ANKRD36C: variants seen among roughly 807,000 people sequenced by gnomAD.
ANKRD36C encodes ankyrin repeat domain-containing protein 36C.
ANKRD36C carries 61 observed loss-of-function variants against 276.4 expected under a neutral mutation model. The observed-to-expected ratio is 0.22, with a 90% confidence interval of 0.18 to 0.27. ANKRD36C has a LOEUF of 0.27. Among genes scored for constraint, ANKRD36C ranks in the 10% least tolerant of loss-of-function variants. ANKRD36C has a pLI of 1.00. For missense variants in ANKRD36C, 1,447 were observed against 2,032.3 expected, an observed-to-expected ratio of 0.71 and a Z score of 5.54; for synonymous variants, 483 against 680.1, an observed-to-expected ratio of 0.71 and a Z score of 4.51.
chr2:95,948,413 A>T, intron 17 of ANKRD36C, 117 bp downstream of exon 17: 2 of 1,073,196 alleles, frequency 1.9e-6, no homozygotes, highest in Non-Finnish European at 2.5e-6. Context: ...TCTCTAATAA[A>T]AGTTTTAATA....
chr2:95,953,942 A>G (rs1678264092), exon 14 of ANKRD36C: 2 of 1,535,422 alleles, frequency 1.3e-6, no homozygotes, highest in Middle Eastern at 1.7e-4. Context: ...ACTCTACCTC[A>G]GATTCCAAAG....
In ANKRD36C at chr2:95,897,133, C is replaced by T. The variant is rs755845900; in HGVS notation, c.2755+2012G>A. 78 of 1,088,470 alleles carry T rather than the reference C, an allele frequency of 7.2e-5. 1 individual carries two copies. In the Middle Eastern group the frequency reaches 2.1e-3, roughly 30 times the overall value. 67.4% of individuals were successfully genotyped at this position (1,088,470 alleles called of 1,614,324 possible). Reference sequence around the variant, plus strand: ...CAGCAGCATCATCATCACCCACAAACTTATTTGAAATGAAGAATCTCAGGA... The same window carrying T: ...CAGCAGCATCATCATCACCCACAAATTTATTTGAAATGAAGAATCTCAGGA... On this transcript the variant is annotated intron_variant, in intron 44 of 66. Coordinates refer to ENST00000456556, the Ensembl canonical transcript of ANKRD36C.
chr2:95,975,167 T>A (rs1573814659), intron 6 of ANKRD36C, among the ~76,000 whole-genome samples: 1 of 152,208 alleles, frequency 6.6e-6, no homozygotes, highest in East Asian at 1.9e-4. Flanking sequence ...TTCTCATGGG[T>A]AGGAAGAATC....
At chr2:95,922,057 T>C (rs1677287075) in intron 32 of ANKRD36C, among the ~76,000 whole-genome samples, 1 of 151,534 alleles carries the variant, frequency 6.6e-6, no homozygotes, top group Non-Finnish European at 1.5e-5. Context: ...GAAAAATAAA[T>C]CAGTGTGAAT....
Position 95,982,237 on chromosome 2 carries a change from T to C in ANKRD36C, c.593+19A>G. 1 of 1,498,262 alleles carries C rather than the reference T, an allele frequency of 6.7e-7. No individual in the cohort carries two copies. Among genetic ancestry groups the C allele is most frequent in the Non-Finnish European group, 9.0e-7 (1 of 1,114,944 alleles). The allele number at this position is 1,498,262 out of a possible 1,614,324, so 92.8% of individuals were successfully genotyped here. A position where few individuals can be genotyped will look rare whatever the true frequency, so the allele number is the denominator to read the frequency against. ...ACACTCAGGTTTAAAAACAACACAATAAGAACTAAGGTCTGTACCTGCCAA... is the reference window on the plus strand; with the variant it reads ...ACACTCAGGTTTAAAAACAACACAACAAGAACTAAGGTCTGTACCTGCCAA... On this transcript the variant is annotated intron_variant, in intron 4 of 66. Coordinates refer to ENST00000456556, the Ensembl canonical transcript of ANKRD36C.
chr2:95,981,646 C>T (rs1678923898), intron 4 of ANKRD36C, among the ~76,000 whole-genome samples: 1 of 150,950 alleles, frequency 6.6e-6, no homozygotes. Context: ...TACACACAAC[C>T]ACCCTTGAAG....
At chr2:95,985,827 T>C in intron 3 of ANKRD36C, among the ~76,000 whole-genome samples, 1 of 152,184 alleles carries the variant, frequency 6.6e-6, no homozygotes, top group East Asian at 1.9e-4. Flanking sequence ...AAGAGACTAG[T>C]AAGCTCAAAA....
intron 42 of ANKRD36C, among the ~76,000 whole-genome samples, chr2:95,902,018 G>A (rs1178982707): frequency 6.9e-6 from 1 of 145,894 alleles, no homozygotes; most frequent in East Asian, 2.0e-4. Flanking sequence ...ACCATTTTAG[G>A]AGTTAGTTAG....
chr2:95,923,948 A>G (rs1677342147), intron 30 of ANKRD36C, among the ~76,000 whole-genome samples: 2 of 151,712 alleles, frequency 1.3e-5, no homozygotes, highest in Admixed American at 6.6e-5. Context: ...GTTAGTATCA[A>G]TGTGAATATG....
At chr2:95,972,297 A>G (rs191965828) in intron 6 of ANKRD36C, among the ~76,000 whole-genome samples, 5 of 152,170 alleles carry the variant, frequency 3.3e-5, no homozygotes, top group Non-Finnish European at 4.4e-5. Context: ...TATATGTGTG[A>G]GACAGAATGC....
In ANKRD36C at chr2:95,881,448, A is replaced by G. The variant is rs376393446; in HGVS notation, c.3368-825T>C. On this transcript the variant is annotated intron_variant, in intron 56 of 66. Coordinates refer to ENST00000456556, the Ensembl canonical transcript of ANKRD36C. ...TTAGGATTCAATTAATGAATTCAACATTATTTTTGTCTGTAAAATTAGTCT... is the reference window on the plus strand; with the variant it reads ...TTAGGATTCAATTAATGAATTCAACGTTATTTTTGTCTGTAAAATTAGTCT... Among the ~76,000 whole-genome samples the G allele has an allele frequency of 7.4e-3, 1,120 of 152,146 alleles. 10 individuals carry two copies. The highest frequency in any genetic ancestry group is 0.016 in the South Asian group (79 of 4,812).
intron 6 of ANKRD36C, among the ~76,000 whole-genome samples, chr2:95,970,723 A>G (rs1025473589): frequency 6.6e-6 from 1 of 152,234 alleles, no homozygotes; most frequent in African/African-American, 2.4e-5. Flanking sequence ...AAGGTGAATA[A>G]GAAACATATT....
intron 59 of ANKRD36C, chr2:95,875,963 C>G (rs1480171520): frequency 2.3e-6 from 1 of 443,228 alleles, no homozygotes; most frequent in Non-Finnish European, 4.5e-6. Flanking sequence ...TCTCCCTGAA[C>G]ATAGAAACTG....
chr2:95,920,804 A>G (rs1677242845), intron 34 of ANKRD36C, among the ~76,000 whole-genome samples: 1 of 149,956 alleles, frequency 6.7e-6, no homozygotes, highest in Non-Finnish European at 1.5e-5. Flanking sequence ...GTTAGTCTCT[A>G]AAGAAGTTTC....
rs1676199259 is a variant in ANKRD36C at position 95,886,200 on chromosome 2, ATGAG to A, written c.3090+12_3090+15del. On this transcript the variant is annotated intron_variant, in intron 51 of 66. Coordinates refer to ENST00000456556, the Ensembl canonical transcript of ANKRD36C. The stretch of plus-strand genomic sequence containing the variant: ...ATACAGTTAATAGTTCAAAATATAT[ATGAG>A]TGTTTAATTACCTTCCAGGCCAGTT... The A allele has an allele frequency of 7.4e-7, 1 of 1,353,058 alleles. No individual in the cohort carries two copies. The highest frequency in any genetic ancestry group is 1.0e-6 in the Non-Finnish European group (1 of 981,076). The allele number at this position is 1,353,058 out of a possible 1,614,324, so 83.8% of individuals were successfully genotyped here.
intron 42 of ANKRD36C, among the ~76,000 whole-genome samples, chr2:95,902,394 T>C (rs1427231478): frequency 6.7e-6 from 1 of 150,154 alleles, no homozygotes; most frequent in East Asian, 2.0e-4. Flanking sequence ...ATTATATAAA[T>C]GACTTCCTCT....
chr2:95,908,529 T>A (rs765657186), intron 42 of ANKRD36C: 1 of 1,543,078 alleles, frequency 6.5e-7, no homozygotes, highest in Non-Finnish European at 8.8e-7. Context: ...CCATGCTTTT[T>A]TCCTCTGGCT....
At chr2:95,863,912 A>G (rs569877173) in intron 60 of ANKRD36C, among the ~76,000 whole-genome samples, 1 of 152,212 alleles carries the variant, frequency 6.6e-6, no homozygotes, top group Non-Finnish European at 1.5e-5. Context: ...ATCATTGTAC[A>G]TTTGTCCAAA....
At chr2:95,927,794 T>A (rs1677450380) in intron 26 of ANKRD36C, among the ~76,000 whole-genome samples, 1 of 151,558 alleles carries the variant, frequency 6.6e-6, no homozygotes, top group South Asian at 2.1e-4. Flanking sequence ...TCAAAAGGAT[T>A]TACACCATTA....
Sources: allele counts gnomAD v4.1 joint callset (sites outside exome capture counted in the v4.1 genomes callset), GRCh38; gene constraint gnomAD v4.1.1; transcripts MANE v1.5; gene names NCBI Gene and HGNC (gene_info 2026-07-23, HGNC 2026-07-21).